The following RBFOX1 variants were observed in gnomAD, a reference collection of about 807,000 sequenced individuals.
The protein encoded by RBFOX1 is RNA binding fox-1 homolog 1, also known as RNA binding protein fox-1 homolog 1.
RBFOX1 carries 8 observed loss-of-function variants against 57.7 expected under a neutral mutation model. The ratio of observed to expected loss-of-function variants is 0.14; its 90% CI spans 0.08 to 0.25. RBFOX1 has a LOEUF of 0.25. Among genes scored for constraint, RBFOX1 ranks in the 10% least tolerant of loss-of-function variants. The pLI, the probability that RBFOX1 is intolerant of heterozygous loss-of-function variation, is 1.00. For missense variants in RBFOX1, 611 were observed against 548.5 expected, an observed-to-expected ratio of 1.11 and a Z score of -1.14; for synonymous variants, 326 against 222.4, an observed-to-expected ratio of 1.47 and a Z score of -4.15.
At chr16:6,810,531 CCT>C (rs952418082) in intron 3 of RBFOX1, among the ~76,000 whole-genome samples, 11 of 152,072 alleles carry the variant, frequency 7.2e-5, no homozygotes, top group African/African-American at 2.7e-4. Flanking sequence ...CCTCCAAAAA[CCT>C]CTTTTTTTTT....
chr16:7,303,065 C>G (rs545838311), intron 4 of RBFOX1, among the ~76,000 whole-genome samples: 1 of 152,334 alleles, frequency 6.6e-6, no homozygotes, highest in African/African-American at 2.4e-5. Flanking sequence ...AGCGGGTGTT[C>G]TGGGCTGGGA....
intron 1 of RBFOX1, among the ~76,000 whole-genome samples, chr16:6,027,318 G>A (rs1274922278): frequency 6.6e-6 from 1 of 152,124 alleles, no homozygotes; most frequent in Non-Finnish European, 1.5e-5. Context: ...AACCGAGATT[G>A]CAGACTCAAG....
intron 1 of RBFOX1, among the ~76,000 whole-genome samples, chr16:5,370,071 C>G (rs2065819198): frequency 6.6e-6 from 1 of 152,196 alleles, no homozygotes; most frequent in South Asian, 2.1e-4. Flanking sequence ...TGCTGGGCAC[C>G]ATTCTCCATG....
At chr16:7,454,323 T>G (rs1016544062) in intron 4 of RBFOX1, among the ~76,000 whole-genome samples, 1 of 152,206 alleles carries the variant, frequency 6.6e-6, no homozygotes, top group Admixed American at 6.5e-5. Context: ...GACAGAATGC[T>G]GGTGAAGTAG....
chr16:6,613,395 A>G (rs2098096182), intron 2 of RBFOX1, among the ~76,000 whole-genome samples: 1 of 152,098 alleles, frequency 6.6e-6, no homozygotes, highest in Admixed American at 6.5e-5. Context: ...CCTAGGACAA[A>G]GCGGGGGAAT....
chr16:7,434,554 C>T (rs182919227), intron 4 of RBFOX1, among the ~76,000 whole-genome samples: 8 of 151,800 alleles, frequency 5.3e-5, no homozygotes, highest in Admixed American at 2.6e-4. Context: ...AAGACAGAGG[C>T]CCAAACACTA....
chr16:7,060,034 T>G (rs1477830712), intron 4 of RBFOX1, among the ~76,000 whole-genome samples: 1 of 152,152 alleles, frequency 6.6e-6, no homozygotes, highest in African/African-American at 2.4e-5. Context: ...GATTCTGCAG[T>G]CAGATTCTTT....
chr16:5,956,349 T>C (rs563278462), intron 4 of RBFOX1, among the ~76,000 whole-genome samples: 1 of 152,054 alleles, frequency 6.6e-6, no homozygotes, highest in Non-Finnish European at 1.5e-5. Flanking sequence ...ATGAATAAAT[T>C]TTTAGTATAA....
chr16:7,694,915 T>C (rs2078308569), intron 14 of RBFOX1, among the ~76,000 whole-genome samples: 1 of 152,200 alleles, frequency 6.6e-6, no homozygotes, highest in Non-Finnish European at 1.5e-5. Flanking sequence ...CTGTGCATGT[T>C]CCAGTATGTT....
At chr16:6,237,778 G>T (rs72776430) in intron 1 of RBFOX1, among the ~76,000 whole-genome samples, 15,880 of 151,716 alleles carry the variant, frequency 0.1, 1,092 homozygotes, top group Non-Finnish European at 0.16. Flanking sequence ...TAAATTAAAT[G>T]AAATTAAATT....
chr16:5,390,203 C>T (rs1008820777), intron 1 of RBFOX1, among the ~76,000 whole-genome samples: 1 of 151,476 alleles, frequency 6.6e-6, no homozygotes, highest in African/African-American at 2.4e-5. Flanking sequence ...TTATGCACTA[C>T]ATATAGTGTT....
chr16:6,001,085 A>G (rs1361458520), intron 4 of RBFOX1, among the ~76,000 whole-genome samples: 1 of 152,134 alleles, frequency 6.6e-6, no homozygotes, highest in African/African-American at 2.4e-5. Flanking sequence ...AGATATTTAA[A>G]TTAAAATTAA....
intron 2 of RBFOX1, among the ~76,000 whole-genome samples, chr16:6,612,416 TG>T (rs754245613): frequency 2.6e-4 from 40 of 152,358 alleles, no homozygotes; most frequent in Non-Finnish European, 4.1e-4. Context: ...TGCATATGTG[TG>T]TATGTGCAGA....
At chr16:5,910,438 C>G (rs2058576627) in intron 4 of RBFOX1, among the ~76,000 whole-genome samples, 3 of 152,234 alleles carry the variant, frequency 2.0e-5, no homozygotes, top group South Asian at 4.1e-4. Context: ...ATCCATCCCT[C>G]TGCCTTCAGG....
chr16:5,984,866 G>T (rs774084668), intron 4 of RBFOX1, among the ~76,000 whole-genome samples: 3 of 146,922 alleles, frequency 2.0e-5, no homozygotes, highest in Non-Finnish European at 4.5e-5. Context: ...TCACATTTGT[G>T]AATCAAAACA....
chr16:6,208,817 G>T lies in RBFOX1; in HGVS notation c.-126-108178G>T, dbSNP rs74006940. Among the ~76,000 whole-genome samples the T allele has an allele frequency of 6.2e-3, 943 of 152,246 alleles. 8 individuals are homozygous for T. The highest frequency in any genetic ancestry group is 0.021 in the African/African-American group (870 of 41,542). On this transcript the variant is annotated intron_variant, in intron 1 of 15. Transcript: ENST00000550418. Reference sequence around the variant, plus strand: ...AAGGCAAGGATTGATGTGAAGTAGTGGCTTCTGTCTTCGCATGAGGTATAG... The same window carrying T: ...AAGGCAAGGATTGATGTGAAGTAGTTGCTTCTGTCTTCGCATGAGGTATAG...
chr16:6,858,215 G>C (rs1310074548), intron 3 of RBFOX1, among the ~76,000 whole-genome samples: 1 of 152,164 alleles, frequency 6.6e-6, no homozygotes, highest in Admixed American at 6.5e-5. Flanking sequence ...GTTGGTAAAC[G>C]AAGGTTGAAT....
rs56230125 is a variant in RBFOX1 at position 6,852,951 on chromosome 16, T to A, written c.-16+198301T>A. On this transcript the variant is annotated intron_variant, in intron 3 of 15. Transcript: ENST00000550418. ...ATGCAAGGAGGATGCTGGGACTGTG[T>A]TGATGACATCAAGAGACCATGTGAG... Among the ~76,000 whole-genome samples the A allele has an allele frequency of 1.2e-3, 177 of 152,298 alleles. 1 individual carries two copies. The highest frequency in any genetic ancestry group is 3.3e-3 in the Admixed American group (50 of 15,296).
At chr16:6,913,579 A>T (rs2072288100) in intron 3 of RBFOX1, among the ~76,000 whole-genome samples, 1 of 152,054 alleles carries the variant, frequency 6.6e-6, no homozygotes, top group East Asian at 1.9e-4. Context: ...GAGAAGTTAT[A>T]AGTCGGTAGC....
Sources: gnomAD v4.1 joint callset for allele counts (sites outside exome capture counted in the v4.1 genomes callset) on GRCh38, gnomAD v4.1.1 for gene constraint, MANE v1.5 for transcripts, NCBI Gene and HGNC (gene_info 2026-07-23, HGNC 2026-07-21) for gene names.